Variants in TMEM63C observed in about 807,000 individuals in gnomAD.
The protein encoded by TMEM63C is osmosensitive cation channel TMEM63C.
A neutral mutation model predicts 99.2 loss-of-function variants in TMEM63C; 32 were observed. That is an observed-to-expected ratio of 0.32 (90% CI 0.24 to 0.43). The LOEUF is 0.43. TMEM63C is among the 20% of genes least tolerant of loss of function. The probability of loss-of-function intolerance (pLI) is 1.00; values close to 1 mark genes in which losing one functional copy is unlikely to be tolerated. For synonymous variants in TMEM63C, 376 were observed against 397.9 expected (o/e 0.94, Z 0.66); for missense variants, 826 against 1,053.0 (o/e 0.78, Z 2.98).
At chr14:77,242,695 A>AG (rs1889199085) in intron 14 of TMEM63C, among the ~76,000 whole-genome samples, 1 of 144,338 alleles carries the variant, frequency 6.9e-6, no homozygotes, top group Non-Finnish European at 1.5e-5. Flanking sequence ...GAGGGAACTC[A>AG]GGTCCATTTT....
At chr14:77,187,644 G>T (rs994336859) in intron 1 of TMEM63C, among the ~76,000 whole-genome samples, 2 of 152,228 alleles carry the variant, frequency 1.3e-5, no homozygotes, top group South Asian at 2.1e-4. Flanking sequence ...AGCAGAAGGA[G>T]CCCCAGTCCC....
chr14:77,240,303 C>T (rs142251727), intron 12 of TMEM63C, among the ~76,000 whole-genome samples, 172 bp from the exon 13 acceptor site: 34 of 152,302 alleles, frequency 2.2e-4, no homozygotes, highest in Non-Finnish European at 4.0e-4. Flanking sequence ...TGGCAGTCAT[C>T]GCCTCTTCTT....
At chr14:77,186,115 G>A (rs1052739224) in intron 1 of TMEM63C, among the ~76,000 whole-genome samples, 6 of 151,866 alleles carry the variant, frequency 4.0e-5, no homozygotes, top group Middle Eastern at 3.2e-3. Flanking sequence ...AGGTTCAAGC[G>A]ATTCTCCTGC....
chr14:77,239,540 G>T (rs1889122291), intron 11 of TMEM63C, 48 bp downstream of exon 11: 1 of 1,612,212 alleles, frequency 6.2e-7, no homozygotes, highest in South Asian at 1.1e-5. Context: ...GGGTAAAAGG[G>T]GAGGATGGGG....
At chr14:77,206,101 C>T (rs1393280802) in intron 1 of TMEM63C, among the ~76,000 whole-genome samples, 1 of 152,142 alleles carries the variant, frequency 6.6e-6, no homozygotes, top group Non-Finnish European at 1.5e-5. Flanking sequence ...GACCCCGCCC[C>T]CTACCTCCTG....
chr14:77,232,191 C>G (rs1888954935), intron 7 of TMEM63C, among the ~76,000 whole-genome samples: 1 of 152,186 alleles, frequency 6.6e-6, no homozygotes, highest in Admixed American at 6.5e-5. Context: ...GCTTCTAAAA[C>G]AGAAAAATCA....
chr14:77,222,856 A>T (rs1367715331), intron 5 of TMEM63C, among the ~76,000 whole-genome samples: 7 of 152,122 alleles, frequency 4.6e-5, no homozygotes, highest in Admixed American at 2.6e-4. Context: ...AACATTTTTA[A>T]CCCTGTCTGT....
At chr14:77,201,399 G>A (rs370827427) in intron 1 of TMEM63C, among the ~76,000 whole-genome samples, 5 of 152,330 alleles carry the variant, frequency 3.3e-5, no homozygotes, top group South Asian at 2.1e-4. Flanking sequence ...ACAGTGAGAC[G>A]GAAAGAATCA....
intron 1 of TMEM63C, among the ~76,000 whole-genome samples, chr14:77,184,341 T>C (rs1443185285): frequency 6.6e-6 from 1 of 152,066 alleles, no homozygotes; most frequent in Non-Finnish European, 1.5e-5. Context: ...ATAGTTAACA[T>C]ATTTAACAGG....
chr14:77,191,375 G>C (rs138240229), intron 1 of TMEM63C, among the ~76,000 whole-genome samples: 1 of 152,068 alleles, frequency 6.6e-6, no homozygotes, highest in Admixed American at 6.5e-5. Flanking sequence ...TGTAGCCTAA[G>C]GTGTGAGCTA....
At chr14:77,236,340 A>C (rs1442748463) in intron 8 of TMEM63C, among the ~76,000 whole-genome samples, 1 of 3,348 alleles carries the variant, frequency 3.0e-4, no homozygotes, top group Non-Finnish European at 4.6e-4. Context: ...GGGTGGGGGT[A>C]TGGGCAGACT....
intron 1 of TMEM63C, among the ~76,000 whole-genome samples, chr14:77,210,866 T>C (rs1389865224): frequency 6.6e-6 from 1 of 152,080 alleles, no homozygotes; most frequent in Non-Finnish European, 1.5e-5. Context: ...CTTTGTGCAC[T>C]CTGGGGGTCA....
intron 6 of TMEM63C, among the ~76,000 whole-genome samples, chr14:77,230,201 C>CA (rs55863810): frequency 0.072 from 10,025 of 138,460 alleles, 372 homozygotes; most frequent in Middle Eastern, 0.093. Context: ...GACTCTGTCT[C>CA]AAAAAAAAAA....
At position 77,249,301 on chromosome 14, in the gene TMEM63C, C is replaced by T; in HGVS notation, c.1881C>T (p.Tyr627=). 3 of 1,614,004 alleles carry T rather than the reference C, an allele frequency of 1.9e-6. No homozygotes were observed. Among genetic ancestry groups the T allele is most frequent in the Non-Finnish European group, 2.5e-6 (3 of 1,179,890 alleles). ...CPIIVPFGLL[Y]LCMKHLTDRY... is the part of the protein sequence containing the mutation. Reference sequence around the variant, plus strand: ...ACCTTTGTCCCCCAGGGTTGCTCTACCTGTGCATGAAGCACTTGACGGATC... The same window carrying T: ...ACCTTTGTCCCCCAGGGTTGCTCTATCTGTGCATGAAGCACTTGACGGATC... The change falls in exon 21 of 24, where the codon TAC becomes TAT. Residue 627 remains tyrosine (Y), a synonymous_variant. Transcript: ENST00000298351.
At chr14:77,236,834 G>T in intron 9 of TMEM63C, 102 bp downstream of exon 9, 1 of 810,226 alleles carries the variant, frequency 1.2e-6, no homozygotes, top group East Asian at 2.5e-5. Flanking sequence ...AGGGTCCAGG[G>T]AGACTGTGAT....
At chr14:77,201,673 C>T (rs1594851606) in intron 1 of TMEM63C, among the ~76,000 whole-genome samples, 1 of 152,178 alleles carries the variant, frequency 6.6e-6, no homozygotes, top group Admixed American at 6.5e-5. Flanking sequence ...ATGTAACAAG[C>T]CCTGCTGCTG....
intron 2 of TMEM63C, among the ~76,000 whole-genome samples, chr14:77,214,299 A>G (rs926574317): frequency 4.6e-5 from 7 of 152,002 alleles, no homozygotes; most frequent in Non-Finnish European, 1.0e-4. Flanking sequence ...AGGCATGGGG[A>G]CTGTAAGTGC....
intron 23 of TMEM63C, among the ~76,000 whole-genome samples, 159 bp downstream of exon 23, chr14:77,253,535 GC>G (rs1473890629): frequency 6.6e-6 from 1 of 152,228 alleles, no homozygotes; most frequent in Non-Finnish European, 1.5e-5. Flanking sequence ...GCAGGACTTG[GC>G]CCAGGTCCAA....
At chr14:77,236,911 A>G (rs1294301391) in intron 9 of TMEM63C, among the ~76,000 whole-genome samples, 179 bp downstream of exon 9, 7 of 151,308 alleles carry the variant, frequency 4.6e-5, no homozygotes, top group Admixed American at 4.6e-4. Context: ...AGTAACAATC[A>G]CCTGGCCCCC....
Sources: gnomAD v4.1 joint callset for allele counts (sites outside exome capture counted in the v4.1 genomes callset) on GRCh38, gnomAD v4.1.1 for gene constraint, MANE v1.5 for transcripts, NCBI Gene and HGNC (gene_info 2026-07-23, HGNC 2026-07-21) for gene names.